Variants in DLG1 observed in about 807,000 individuals in gnomAD.
DLG1 encodes disks large homolog 1.
Under a neutral mutation model 123.4 loss-of-function variants are expected in DLG1, and 42 were observed. The ratio of observed to expected loss-of-function variants is 0.34; its 90% CI spans 0.27 to 0.44. The LOEUF (loss-of-function observed/expected upper bound fraction) is 0.44. Ranked by LOEUF, DLG1 falls within the 20% of genes least tolerant of loss-of-function variation. The pLI is 1.00. For missense variants in DLG1, 942 were observed against 1,082.6 expected (o/e 0.87, Z 1.82); for synonymous variants, 317 against 356.2 (o/e 0.89, Z 1.24).
chr3:197,064,074 C>T (rs1341430076), intron 22 of DLG1, among the ~76,000 whole-genome samples: 3 of 151,774 alleles, frequency 2.0e-5, no homozygotes, highest in Non-Finnish European at 4.4e-5. Context: ...CATGCACCAC[C>T]ACGCCAAGTT....
intron 4 of DLG1, among the ~76,000 whole-genome samples, chr3:197,221,554 A>G (rs1186886889): frequency 1.3e-5 from 2 of 152,034 alleles, no homozygotes; most frequent in African/African-American, 2.4e-5. Flanking sequence ...AAAAAGAAAC[A>G]TAACAGGAAG....
At chr3:197,109,247 T>C (rs1370387413) in intron 13 of DLG1, among the ~76,000 whole-genome samples, 1 of 152,196 alleles carries the variant, frequency 6.6e-6, no homozygotes, top group African/African-American at 2.4e-5. Context: ...GGTGCATACC[T>C]GCAGCCCAGC....
At chr3:197,152,084 G>T (rs1237552782) in intron 5 of DLG1, among the ~76,000 whole-genome samples, 4 of 152,214 alleles carry the variant, frequency 2.6e-5, no homozygotes, top group East Asian at 1.9e-4. Context: ...CCTATGATTT[G>T]CAACATATTT....
At chr3:197,119,729 C>T (rs1238607443) in intron 11 of DLG1, among the ~76,000 whole-genome samples, 199 bp from the exon 12 acceptor site, 1 of 152,106 alleles carries the variant, frequency 6.6e-6, no homozygotes, top group African/African-American at 2.4e-5. Flanking sequence ...GTGATACTCC[C>T]ACCTCAGCCT....
chr3:197,214,265 T>C (rs1578168703), intron 4 of DLG1, among the ~76,000 whole-genome samples: 1 of 152,050 alleles, frequency 6.6e-6, no homozygotes, highest in Admixed American at 6.5e-5. Flanking sequence ...ATGAATAAAC[T>C]TGTTCCTACC....
At chr3:197,226,236 C>A (rs1739858158) in intron 4 of DLG1, 2 of 152,224 alleles carry the variant, frequency 1.3e-5, no homozygotes, top group South Asian at 4.1e-4. Flanking sequence ...TGAAAGTGCT[C>A]ATTTAGCACC....
intron 18 of DLG1, chr3:197,071,147 G>A (rs1743653404): frequency 6.6e-6 from 1 of 151,892 alleles, no homozygotes; most frequent in African/African-American, 2.4e-5. Flanking sequence ...GAGTTATTCT[G>A]TTTACATTAG....
At chr3:197,123,699 C>T (rs551573582) in intron 11 of DLG1, among the ~76,000 whole-genome samples, 9 of 152,154 alleles carry the variant, frequency 5.9e-5, no homozygotes, top group African/African-American at 1.9e-4. Flanking sequence ...GGAGACTAAA[C>T]ATATGCCTAC....
intron 4 of DLG1, among the ~76,000 whole-genome samples, chr3:197,202,043 C>T (rs1404598103): frequency 6.6e-6 from 1 of 152,034 alleles, no homozygotes; most frequent in African/African-American, 2.4e-5. Flanking sequence ...TGGTGGGTAC[C>T]ACGTGCATTG....
chr3:197,263,283 C>G (rs1275709975), intron 4 of DLG1, among the ~76,000 whole-genome samples: 1 of 151,986 alleles, frequency 6.6e-6, no homozygotes, highest in Non-Finnish European at 1.5e-5. Flanking sequence ...ATAGAAAAGG[C>G]TGAAAATCAC....
rs895667031 is a variant in DLG1 at position 197,077,195 on chromosome 3, T to A, written c.1906-510A>T. 3.3e-5 allele frequency among the ~76,000 whole-genome samples: 5 copies of A among 151,470 alleles called. No individual in the cohort carries two copies. The Admixed American group carries it at 3.3e-4, about 10-fold the overall frequency. ...TTTAAAAAGTAAACCAAAATGATTA[T>A]GAGAAAGTTGCTAATGCTGAATATT... On this transcript the variant is annotated intron_variant, in intron 17 of 24. Transcript: ENST00000667157.
chr3:197,152,590 G>A (rs542066932), intron 5 of DLG1, among the ~76,000 whole-genome samples: 74 of 151,110 alleles, frequency 4.9e-4, no homozygotes, highest in Middle Eastern at 3.4e-3. Flanking sequence ...TCCTGGCCCC[G>A]TCTCTACTAA....
At chr3:197,257,212 A>T (rs527360609) in intron 4 of DLG1, among the ~76,000 whole-genome samples, 1 of 119,886 alleles carries the variant, frequency 8.3e-6, no homozygotes, top group African/African-American at 2.8e-5. Context: ...ACCCTAATAT[A>T]AATATGAATA....
intron 5 of DLG1, among the ~76,000 whole-genome samples, chr3:197,184,758 G>A (rs1054075838): frequency 3.3e-5 from 5 of 152,078 alleles, no homozygotes; most frequent in East Asian, 3.8e-4. Context: ...TAAATTTTTC[G>A]TTTTATAATC....
rs541676580 is a variant in DLG1 at position 197,061,219 on chromosome 3, G to A, written c.2374-1221C>T. On this transcript the variant is annotated intron_variant, in intron 22 of 24. Coordinates refer to ENST00000667157, the MANE Select transcript of DLG1 (RefSeq NM_001366207.1). ...TACTGTAAAATACTCCAAACATATAGAAAAGTAAATAATAGACACCATGTA... is the reference window on the plus strand; with the variant it reads ...TACTGTAAAATACTCCAAACATATAAAAAAGTAAATAATAGACACCATGTA... Among the ~76,000 whole-genome samples, 4 of 152,194 alleles carry A rather than the reference G, an allele frequency of 2.6e-5. No individual in the cohort carries two copies. The East Asian group carries it at 7.7e-4, about 29-fold the overall frequency.
rs1290725400 is a variant in DLG1, at chr3:197,288,362, C to CAAA, written c.152-5520_152-5518dup. ...CTGGTGACAGATCAAGACTCCGTCT[C>CAAA]AAAAAAAAAAAAAAAAAAAAGAAAA... On this transcript the variant is annotated intron_variant, in intron 3 of 24. Transcript: ENST00000667157. Among the ~76,000 whole-genome samples the CAAA allele has an allele frequency of 2.7e-3, 122 of 45,484 alleles. 1 individual carries two copies. Among genetic ancestry groups the CAAA allele is most frequent in the African/African-American group, 7.0e-3 (72 of 10,266 alleles). The allele number at this position is 45,484 out of a possible 152,430, so 29.8% of individuals were successfully genotyped here.
At chr3:197,247,190 G>A (rs751079307) in intron 4 of DLG1, among the ~76,000 whole-genome samples, 1 of 152,150 alleles carries the variant, frequency 6.6e-6, no homozygotes, top group Non-Finnish European at 1.5e-5. Flanking sequence ...TAGAGGTGGA[G>A]GGGAAAGGGA....
intron 15 of DLG1, among the ~76,000 whole-genome samples, chr3:197,086,893 T>G (rs1754709326): frequency 6.6e-6 from 1 of 152,170 alleles, no homozygotes; most frequent in Non-Finnish European, 1.5e-5. Flanking sequence ...AAATTCATCT[T>G]TTGAATCACA....
intron 4 of DLG1, among the ~76,000 whole-genome samples, chr3:197,276,154 G>A (rs1278973083): frequency 6.6e-6 from 1 of 152,098 alleles, no homozygotes; most frequent in African/African-American, 2.4e-5. Context: ...AACACATAAT[G>A]GATACACAGA....
Sources: gnomAD v4.1 joint callset for allele counts (sites outside exome capture counted in the v4.1 genomes callset) on GRCh38, gnomAD v4.1.1 for gene constraint, MANE v1.5 for transcripts, NCBI Gene and HGNC (gene_info 2026-07-23, HGNC 2026-07-21) for gene names.